Variants in BCAS3 observed in about 807,000 individuals in gnomAD.
The protein encoded by BCAS3 is BCAS3 microtubule associated cell migration factor, also known as BCAS4/BCAS3 fusion.
Under a neutral mutation model 116.1 loss-of-function variants are expected in BCAS3, and 53 were observed. The ratio of observed to expected loss-of-function variants is 0.46; its 90% confidence interval spans 0.37 to 0.57. BCAS3 has a LOEUF of 0.57. Among genes scored for constraint, BCAS3 ranks in the 20% least tolerant of loss-of-function variants. The pLI, the probability that BCAS3 is intolerant of heterozygous loss-of-function variation, is 0.00. For missense variants in BCAS3, 917 were observed against 1,165.4 expected (o/e 0.79, Z 3.10); for synonymous variants, 391 against 408.2 (o/e 0.96, Z 0.51).
At chr17:61,267,656 C>A (rs377507862) in intron 22 of BCAS3, among the ~76,000 whole-genome samples, 1 of 148,134 alleles carries the variant, frequency 6.8e-6, no homozygotes, top group East Asian at 2.0e-4. Flanking sequence ...TTGAATCCAG[C>A]AGGCAGAATG....
chr17:61,157,372 T>C (rs947153526), intron 22 of BCAS3: 8 of 152,224 alleles, frequency 5.3e-5, no homozygotes, highest in Admixed American at 6.5e-5. Flanking sequence ...TATCCCACTT[T>C]CCTTTCTGGG....
intron 22 of BCAS3, among the ~76,000 whole-genome samples, chr17:61,341,871 A>G (rs912522130): frequency 1.3e-5 from 2 of 152,254 alleles, no homozygotes; most frequent in Non-Finnish European, 2.9e-5. Flanking sequence ...GATGATTTGG[A>G]TAGCAATTTT....
intron 22 of BCAS3, among the ~76,000 whole-genome samples, chr17:61,298,628 C>T (rs2053150591): frequency 6.6e-6 from 1 of 152,082 alleles, no homozygotes; most frequent in Non-Finnish European, 1.5e-5. Flanking sequence ...CACTGCCTTT[C>T]CAATCTACTT....
intron 15 of BCAS3, among the ~76,000 whole-genome samples, chr17:61,005,403 T>C (rs1452233049): frequency 1.3e-5 from 2 of 152,118 alleles, no homozygotes; most frequent in East Asian, 1.9e-4. Context: ...TTGATAGATA[T>C]TTAAATGTTT....
chr17:60,902,100 A>G (rs2057936232), intron 10 of BCAS3, among the ~76,000 whole-genome samples: 2 of 152,238 alleles, frequency 1.3e-5, no homozygotes, highest in Non-Finnish European at 2.9e-5. Flanking sequence ...TGGACAGCTA[A>G]TATACTTGTC....
At chr17:60,973,680 C>T (rs1454002627) in intron 14 of BCAS3, among the ~76,000 whole-genome samples, 1 of 151,340 alleles carries the variant, frequency 6.6e-6, no homozygotes, top group Non-Finnish European at 1.5e-5. Flanking sequence ...GCAACCTCCA[C>T]CTCCCAGGTT....
At position 61,004,318 on chromosome 17, in the gene BCAS3, G is replaced by T. The variant is rs947200344; in HGVS notation, c.1487-11433G>T. ...GGTAGAACAACAAATTTTGGGAAAAGAAGTGAATGTTCATTTCCTTATGTA... is the reference window on the plus strand; with the variant it reads ...GGTAGAACAACAAATTTTGGGAAAATAAGTGAATGTTCATTTCCTTATGTA... On this transcript the variant is annotated intron_variant, in intron 15 of 23. Transcript: ENST00000407086. The surrounding 1 kb of genome is among the most constrained non-coding windows in gnomAD (Gnocchi z 4.8). 6.6e-6 allele frequency among the ~76,000 whole-genome samples: 1 copy of T among 151,900 alleles called. No individual in the cohort carries two copies. The highest frequency in any genetic ancestry group is 6.6e-5 in the Admixed American group (1 of 15,244).
chr17:60,792,102 G>A (rs2144544529), intron 6 of BCAS3, among the ~76,000 whole-genome samples: 2 of 152,308 alleles, frequency 1.3e-5, no homozygotes, highest in East Asian at 1.9e-4. Flanking sequence ...CATCTTGGGC[G>A]ACGGAGCTAG....
chr17:60,780,808 T>G (rs1006665362), intron 6 of BCAS3, among the ~76,000 whole-genome samples: 4 of 152,232 alleles, frequency 2.6e-5, no homozygotes, highest in Non-Finnish European at 4.4e-5. Context: ...CTTTTTATCC[T>G]TCTTTGAGTT....
chr17:60,871,049 G>C (rs1275912649), intron 8 of BCAS3, among the ~76,000 whole-genome samples: 2 of 152,150 alleles, frequency 1.3e-5, no homozygotes, highest in Non-Finnish European at 2.9e-5. Flanking sequence ...CCAGTCATTT[G>C]TCCATTAAGT....
rs1411245346 is a variant in BCAS3 at position 61,366,527 on chromosome 17, G to C, written c.2426-1800G>C. On this transcript the variant is annotated intron_variant, in intron 22 of 23. Transcript: ENST00000407086. The surrounding 1 kb of genome is among the most constrained non-coding windows in gnomAD (Gnocchi z 4.5). Reference sequence around the variant, plus strand: ...TGGTTGAGTGTTGGCTCTGAGCTTGGCACTGCCAGTGCACAGCTCTAGCAC... The same window carrying C: ...TGGTTGAGTGTTGGCTCTGAGCTTGCCACTGCCAGTGCACAGCTCTAGCAC... 2.0e-5 allele frequency among the ~76,000 whole-genome samples: 3 copies of C among 152,188 alleles called. No homozygotes were observed.
At position 61,171,621 on chromosome 17, in the gene BCAS3, C is replaced by T. The variant is rs1223547923; in HGVS notation, c.2425+87057C>T. Among the ~76,000 whole-genome samples the T allele has an allele frequency of 6.6e-6, 1 of 151,848 alleles. No homozygotes were observed. Among genetic ancestry groups the T allele is most frequent in the African/African-American group, 2.4e-5 (1 of 41,344 alleles). ...GAAATAATGATATATTATGCTAATA[C>T]TAATTTTATTTTATTTTTTTTTTGA... On this transcript the variant is annotated intron_variant, in intron 22 of 23. Coordinates refer to ENST00000407086, the MANE Select transcript of BCAS3 (RefSeq NM_017679.5). The surrounding 1 kb of genome is among the most constrained non-coding windows in gnomAD (Gnocchi z 4.1).
chr17:61,382,477 G>A, intron 23 of BCAS3, among the ~76,000 whole-genome samples: 1 of 151,418 alleles, frequency 6.6e-6, no homozygotes, highest in Non-Finnish European at 1.5e-5. Context: ...GGTCAGGCTG[G>A]TCTCGAACTC....
intron 22 of BCAS3, among the ~76,000 whole-genome samples, chr17:61,246,844 C>A (rs890458296): frequency 1.8e-4 from 24 of 136,446 alleles, no homozygotes; most frequent in Non-Finnish European, 3.2e-4. Context: ...TGTGTGATAA[C>A]CTAATTGACA....
In BCAS3 at chr17:61,042,906, A is replaced by AAAAAAT. The variant is rs1568200236; in HGVS notation, c.2029+2019_2029+2020insTAAAAA. Among the ~76,000 whole-genome samples the AAAAAAT allele has an allele frequency of 8.0e-5, 12 of 150,440 alleles. 1 individual carries two copies. The highest frequency in any genetic ancestry group is 2.9e-4 in the African/African-American group (12 of 40,772). On this transcript the variant is annotated intron_variant, in intron 19 of 23. Coordinates refer to ENST00000407086, the MANE Select transcript of BCAS3 (RefSeq NM_017679.5). ...CTCCATCTCACAAAAAAAAAAAAAA[A>AAAAAAT]AAAAAAAAAGAAAGAAAGAAAGATC...
At chr17:60,833,844 C>A (rs1424666509) in intron 7 of BCAS3, among the ~76,000 whole-genome samples, 8 of 152,160 alleles carry the variant, frequency 5.3e-5, no homozygotes, top group African/African-American at 1.9e-4. Flanking sequence ...TCAATTCCAA[C>A]TGCCTTTACA....
At chr17:60,952,383 G>A (rs1049041860) in intron 14 of BCAS3, among the ~76,000 whole-genome samples, 4 of 151,166 alleles carry the variant, frequency 2.6e-5, no homozygotes, top group African/African-American at 9.7e-5. Flanking sequence ...GCAGTGTCTC[G>A]ATCTTGGCTC....
rs1053782703 is a variant in BCAS3, at chr17:61,315,799, G to C, written c.2426-52528G>C. ...TCTGCCCTCCCATCTGCCTCCACAT[G>C]CCGCTGCGTCCCCTCCACGGCTCCC... On this transcript the variant is annotated intron_variant, in intron 22 of 23. Transcript: ENST00000407086. This position sits in a 1 kb window ranked among gnomAD's most constrained non-coding sequence, Gnocchi z 5.3. Among the ~76,000 whole-genome samples the C allele has an allele frequency of 3.3e-5, 5 of 152,044 alleles. No homozygotes were observed. The highest frequency in any genetic ancestry group is 1.2e-4 in the African/African-American group (5 of 41,390).
At chr17:60,922,668 A>T (rs2059166977) in intron 12 of BCAS3, among the ~76,000 whole-genome samples, 1 of 152,238 alleles carries the variant, frequency 6.6e-6, no homozygotes, top group African/African-American at 2.4e-5. Context: ...AAAACATCTG[A>T]GACATTCATT....
Sources: allele counts gnomAD v4.1 joint callset (sites outside exome capture counted in the v4.1 genomes callset), GRCh38; gene constraint gnomAD v4.1.1; non-coding constraint Gnocchi (gnomAD v3.1); transcripts MANE v1.5; gene names NCBI Gene and HGNC (gene_info 2026-07-23, HGNC 2026-07-21).